The following TEAD4 variants were observed in gnomAD, a reference collection of about 807,000 sequenced individuals.
The protein encoded by TEAD4 is TEA domain transcription factor 4.
In TEAD4, 36 loss-of-function variants were observed where a neutral mutation model predicts 52.4. The observed-to-expected ratio is 0.69, with a 90% CI of 0.53 to 0.91. The LOEUF (loss-of-function observed/expected upper bound fraction) is 0.91, where lower values mean the gene tolerates loss of function less well. Ranked by LOEUF, TEAD4 falls within the 40% of genes least tolerant of loss-of-function variation. TEAD4 has a pLI of 0.00. For missense variants in TEAD4, 508 were observed against 583.9 expected (o/e 0.87, Z 1.34); for synonymous variants, 220 against 231.0 (o/e 0.95, Z 0.43).
intron 10 of TEAD4, among the ~76,000 whole-genome samples, chr12:3,031,981 C>T (rs750135290): frequency 2.0e-5 from 3 of 152,198 alleles, no homozygotes; most frequent in Non-Finnish European, 2.9e-5. Flanking sequence ...GATCCCCAGC[C>T]CCCTGAGGAA....
At chr12:2,974,200 G>A (rs540787622) in intron 2 of TEAD4, among the ~76,000 whole-genome samples, 28 of 152,116 alleles carry the variant, frequency 1.8e-4, no homozygotes, top group East Asian at 1.2e-3. Flanking sequence ...TGGGAGTCTC[G>A]CCATGTTGGC....
intron 5 of TEAD4, among the ~76,000 whole-genome samples, 160 bp downstream of exon 5, chr12:3,012,392 A>G (rs1170121908): frequency 1.3e-5 from 2 of 152,092 alleles, no homozygotes; most frequent in Admixed American, 6.5e-5. Context: ...TCCCATCCGC[A>G]CAAGAGGGCC....
chr12:3,018,500 G>T, intron 6 of TEAD4, 45 bp from the exon 7 acceptor site: 1 of 1,613,516 alleles, frequency 6.2e-7, no homozygotes, highest in African/African-American at 1.3e-5. Flanking sequence ...CAGGGCCCCG[G>T]GTGCACCTGG....
At position 2,995,003 on chromosome 12, in the gene TEAD4, C is replaced by T. The variant is rs753393487; in HGVS notation, c.226+11C>T. Reference sequence around the variant, plus strand: ...AGGGCAAGATGTATGGTAAGGAGCCCGTCGGGTTCAGCCCTGTACCTGAGG... The same window carrying T: ...AGGGCAAGATGTATGGTAAGGAGCCTGTCGGGTTCAGCCCTGTACCTGAGG... On this transcript the variant is annotated intron_variant, in intron 3 of 12. Coordinates refer to ENST00000359864, the MANE Select transcript of TEAD4 (RefSeq NM_003213.4). The T allele has an allele frequency of 2.0e-5, 32 of 1,611,816 alleles. No individual in the cohort carries two copies. The Admixed American group carries it at 3.0e-4, about 15-fold the overall frequency.
rs1261394911 is a variant in TEAD4, at chr12:2,964,122, G to A, written c.-30+4082G>A. On this transcript the variant is annotated intron_variant, in intron 2 of 12. Coordinates refer to ENST00000359864, the MANE Select transcript of TEAD4 (RefSeq NM_003213.4). ...TGGGGTGGGGCCCTCCTCCAAAGGG[G>A]GCCGTTGACTCAGTGTGAAGCTAGA... Among the ~76,000 whole-genome samples the A allele has an allele frequency of 2.0e-5, 3 of 152,178 alleles. No individual in the cohort carries two copies. The East Asian group carries it at 5.8e-4, about 29-fold the overall frequency.
At chr12:3,025,782 C>T (rs1362959110) in intron 10 of TEAD4, among the ~76,000 whole-genome samples, 1 of 152,124 alleles carries the variant, frequency 6.6e-6, no homozygotes, top group Non-Finnish European at 1.5e-5. Flanking sequence ...AGTGATCCTC[C>T]TGCCTCGGCC....
intron 2 of TEAD4, among the ~76,000 whole-genome samples, chr12:2,963,661 T>C (rs2098217745): frequency 6.6e-6 from 1 of 152,244 alleles, no homozygotes; most frequent in Non-Finnish European, 1.5e-5. Flanking sequence ...CCCTTGCTTT[T>C]GGTTTTTCCC....
At chr12:3,037,156 A>G (rs1422798974) in intron 10 of TEAD4, among the ~76,000 whole-genome samples, 1 of 152,234 alleles carries the variant, frequency 6.6e-6, no homozygotes, top group African/African-American at 2.4e-5. Flanking sequence ...GCTGACCTAG[A>G]GGACCAGTGT....
intron 3 of TEAD4, among the ~76,000 whole-genome samples, chr12:3,000,256 C>T (rs2098250602): frequency 6.6e-6 from 1 of 152,180 alleles, no homozygotes; most frequent in Non-Finnish European, 1.5e-5. Context: ...GAGTGCTTGT[C>T]TTGGTCTGTT....
At chr12:3,022,110 T>C (rs1218653401) in intron 10 of TEAD4, 93 bp downstream of exon 10, 7 of 1,507,642 alleles carry the variant, frequency 4.6e-6, no homozygotes, top group Admixed American at 1.9e-5. Context: ...CTTGTCACAG[T>C]AGAAACTTGG....
chr12:3,010,556 T>C (rs2098259449), intron 3 of TEAD4, among the ~76,000 whole-genome samples: 2 of 152,184 alleles, frequency 1.3e-5, no homozygotes, highest in African/African-American at 4.8e-5. Context: ...TCTGGACGCT[T>C]CTACTCGTTT....
chr12:2,975,351 C>G (rs562561465), intron 2 of TEAD4, among the ~76,000 whole-genome samples: 11 of 134,320 alleles, frequency 8.2e-5, no homozygotes, highest in Middle Eastern at 3.9e-3. Context: ...GAGTCAATAT[C>G]GGCACATTAT....
At chr12:2,989,984 A>G (rs530157662) in intron 2 of TEAD4, among the ~76,000 whole-genome samples, 12 of 151,978 alleles carry the variant, frequency 7.9e-5, no homozygotes, top group African/African-American at 2.9e-4. Context: ...TTTATTTTCT[A>G]TGTTCTCTTT....
chr12:3,021,957 T>G lies in TEAD4; in HGVS notation c.837T>G (p.Gly279=), dbSNP rs955342974. ...ATGACAAATTCCCGGAGAAAAAGGGTGGACTCAAGGATCTCTTCGAACGGG... is the reference window on the plus strand; with the variant it reads ...ATGACAAATTCCCGGAGAAAAAGGGGGGACTCAAGGATCTCTTCGAACGGG... The change falls in exon 10 of 13, where the codon GGT becomes GGG. Residue 279 remains glycine, a synonymous_variant. Transcript: ENST00000359864. 2 of 1,614,054 alleles carry G rather than the reference T, an allele frequency of 1.2e-6. No individual in the cohort carries two copies. Among genetic ancestry groups the G allele is most frequent in the East Asian group, 4.5e-5 (2 of 44,888 alleles).
Position 3,033,214 on chromosome 12 carries a change from C to T in TEAD4, c.898-4754C>T, listed in dbSNP as rs572704480. 7.4e-4 allele frequency among the ~76,000 whole-genome samples: 113 copies of T among 152,310 alleles called. 1 individual carries two copies. Among genetic ancestry groups the T allele is most frequent in the African/African-American group, 2.6e-3 (109 of 41,574 alleles). Reference sequence around the variant, plus strand: ...CCTGTCCCCTGAGTTACTGCTCTTACTGAGGGCGCTGTGGTGGTCATTCAT... The same window carrying T: ...CCTGTCCCCTGAGTTACTGCTCTTATTGAGGGCGCTGTGGTGGTCATTCAT... On this transcript the variant is annotated intron_variant, in intron 10 of 12. Coordinates refer to ENST00000359864, the MANE Select transcript of TEAD4 (RefSeq NM_003213.4).
At chr12:3,034,421 TG>T (rs1295831902) in intron 10 of TEAD4, among the ~76,000 whole-genome samples, 5 of 152,116 alleles carry the variant, frequency 3.3e-5, no homozygotes, top group Non-Finnish European at 7.4e-5. Context: ...GCTTAGTTCT[TG>T]CCTCCAGGGA....
At chr12:3,034,184 G>T (rs1304011031) in intron 10 of TEAD4, among the ~76,000 whole-genome samples, 1 of 146,736 alleles carries the variant, frequency 6.8e-6, no homozygotes, top group Non-Finnish European at 1.5e-5. Flanking sequence ...GGACAAATGG[G>T]CACCTGAGCG....
At chr12:3,001,428 G>A (rs1290135283) in intron 3 of TEAD4, among the ~76,000 whole-genome samples, 2 of 152,136 alleles carry the variant, frequency 1.3e-5, no homozygotes, top group Non-Finnish European at 2.9e-5. Flanking sequence ...GCCGCTGGTA[G>A]CCTGTTCTAT....
At chr12:2,975,905 A>G (rs1035732495) in intron 2 of TEAD4, among the ~76,000 whole-genome samples, 7 of 152,100 alleles carry the variant, frequency 4.6e-5, no homozygotes, top group Non-Finnish European at 1.0e-4. Flanking sequence ...TGCCTTTTCT[A>G]GAATGTCATA....
Sources: gnomAD v4.1 joint callset for allele counts (sites outside exome capture counted in the v4.1 genomes callset) on GRCh38, gnomAD v4.1.1 for gene constraint, MANE v1.5 for transcripts, NCBI Gene and HGNC (gene_info 2026-07-23, HGNC 2026-07-21) for gene names.